The following ZNF189 variants were observed in gnomAD, a reference collection of about 807,000 sequenced individuals.
ZNF189 encodes zinc finger protein 189.
A neutral mutation model predicts 53.5 loss-of-function variants in ZNF189; 33 were observed. The ratio of observed to expected loss-of-function variants is 0.62; its 90% CI spans 0.47 to 0.82. ZNF189 has a LOEUF of 0.82. ZNF189 is among the 40% of genes least tolerant of loss of function. ZNF189 has a pLI of 0.00. For synonymous variants in ZNF189, 247 were observed against 238.8 expected (o/e 1.03, Z -0.32); for missense variants, 711 against 753.9 (o/e 0.94, Z 0.67).
chr9:101,403,148 C>T (rs1237166923), intron 2 of ZNF189, among the ~76,000 whole-genome samples: 1 of 150,000 alleles, frequency 6.7e-6, no homozygotes, highest in Non-Finnish European at 1.5e-5. Context: ...TGTTGTCTCT[C>T]AGTCACTGCC....
rs532115738 is a variant in ZNF189, at chr9:101,399,059, A to G, written c.-98A>G. ...GCCAGACCCAGCCAGGGATCCTCGT[A>G]TTCGTCGAGCCTAATTTCCAGCAGC... On this transcript the variant is annotated 5_prime_UTR_variant, in exon 1 of 3. Transcript: ENST00000339664. The G allele has an allele frequency of 1.1e-6, 1 of 871,130 alleles. No individual in the cohort carries two copies. The highest frequency in any genetic ancestry group is 2.5e-5 in the East Asian group (1 of 39,306). 54.0% of individuals were successfully genotyped at this position (871,130 alleles called of 1,614,324 possible). A position where few individuals can be genotyped will look rare whatever the true frequency, so the allele number is the denominator to read the frequency against.
At chr9:101,406,158 G>A (rs1830703983) in intron 2 of ZNF189, among the ~76,000 whole-genome samples, 1 of 152,102 alleles carries the variant, frequency 6.6e-6, no homozygotes, top group Non-Finnish European at 1.5e-5. Context: ...TTCGCCACAG[G>A]TTGCAGAATA....
chr9:101,400,689 C>G (rs1830501581), intron 2 of ZNF189, among the ~76,000 whole-genome samples: 2 of 152,210 alleles, frequency 1.3e-5, no homozygotes, highest in Non-Finnish European at 2.9e-5. Context: ...AATACTTCAG[C>G]CTCAGTGGAT....
At position 101,403,305 on chromosome 9, in the gene ZNF189, T is replaced by G. The variant is rs530091316; in HGVS notation, c.160+3295T>G. ...GATCTTCTACTTGTAGGCTGTCTTC[T>G]TTATTTCAGCTTAAATACAGCTTTC... On this transcript the variant is annotated intron_variant, in intron 2 of 2. Transcript: ENST00000339664. Among the ~76,000 whole-genome samples, 43 of 152,300 alleles carry G rather than the reference T, an allele frequency of 2.8e-4. No homozygotes were observed. The South Asian group carries it at 8.1e-3, about 29-fold the overall frequency.
rs768990993 is a variant in ZNF189 at position 101,409,514 on chromosome 9, T to A, written c.1746T>A (p.Ser582Arg). The A allele has an allele frequency of 2.5e-5, 41 of 1,614,112 alleles. No individual in the cohort carries two copies. In the East Asian group the frequency reaches 8.7e-4, roughly 34 times the overall value. The change falls in exon 3 of 3, where the codon AGT becomes AGA. Residue 582 changes from serine to arginine, a missense_variant. Coordinates refer to ENST00000339664, the MANE Select transcript of ZNF189 (RefSeq NM_003452.4). ...ACAAAAGTTTCAGTCAACAGCGCAG[T>A]CTTGTCAACCATCAGAAGATCCATG... ...KCDKSFSQQR[S>R]LVNHQKIHAE...
Position 101,398,964 on chromosome 9 carries a change from G to T in ZNF189, c.-193G>T. 1 of 681,470 alleles carries T rather than the reference G, an allele frequency of 1.5e-6. No individual in the cohort carries two copies. The allele number at this position is 681,470 out of a possible 1,614,324, so 42.2% of individuals were successfully genotyped here. A position where few individuals can be genotyped will look rare whatever the true frequency, so the allele number is the denominator to read the frequency against. On this transcript the variant is annotated 5_prime_UTR_variant, in exon 1 of 3. Transcript: ENST00000339664. ...GAGTAGGGGTTGGGGTTCGGGGTTG[G>T]GGGACAGCCAGGGATCGCGTCTGAT...
In ZNF189 at chr9:101,399,227, C is replaced by T. The variant is rs202109904; in HGVS notation, c.33+38C>T. On this transcript the variant is annotated intron_variant, in intron 1 of 2. Coordinates refer to ENST00000339664, the MANE Select transcript of ZNF189 (RefSeq NM_003452.4). ...CCCCCCGGGGATCCCGGTTGTCTCGCCGCTACCCCAGCTAGGCCGCACCAC... is the reference window on the plus strand; with the variant it reads ...CCCCCCGGGGATCCCGGTTGTCTCGTCGCTACCCCAGCTAGGCCGCACCAC... The T allele has an allele frequency of 3.2e-6, 5 of 1,558,558 alleles. No homozygotes were observed. In the East Asian group the frequency reaches 6.9e-5, roughly 21 times the overall value.
chr9:101,399,626 G>T, intron 1 of ZNF189: 3 of 1,305,372 alleles, frequency 2.3e-6, no homozygotes, highest in Admixed American at 3.6e-5. Flanking sequence ...AGGGAAGCTT[G>T]GAGAGGCCTT....
At chr9:101,399,729 C>G (rs571108684) in intron 1 of ZNF189, among the ~76,000 whole-genome samples, 155 bp from the exon 2 acceptor site, 10 of 152,330 alleles carry the variant, frequency 6.6e-5, no homozygotes, top group African/African-American at 2.4e-4. Flanking sequence ...CTGTCAGTTA[C>G]AGTTCGTTCC....
Position 101,408,183 on chromosome 9 carries a change from A to G in ZNF189, c.415A>G (p.Lys139Glu), listed in dbSNP as rs148500092. The G allele has an allele frequency of 2.1e-4, 332 of 1,614,198 alleles. 1 individual carries two copies. In the African/African-American group the frequency reaches 4.2e-3, roughly 20 times the overall value. ...MFRENTNIIR[K>E]RPNSEEKCHK... ...CAGAGAAAACACTAACATTATCCGT[A>G]AAAGACCAAACTCAGAAGAGAAATG... Residue 139 changes from lysine (K) to glutamate (E), a missense_variant, in exon 3 of 3, where the codon AAA becomes GAA. Lys to Glu is a moderately conservative substitution (Grantham distance 56). Transcript: ENST00000339664.
At chr9:101,406,191 C>T (rs1830705328) in intron 2 of ZNF189, among the ~76,000 whole-genome samples, 1 of 152,022 alleles carries the variant, frequency 6.6e-6, no homozygotes, top group Non-Finnish European at 1.5e-5. Flanking sequence ...AGAGGTTGGG[C>T]TTGGAAAACA....
In ZNF189 at chr9:101,409,739, A is replaced by G. The variant is rs1256548432; in HGVS notation, c.*90A>G. On this transcript the variant is annotated 3_prime_UTR_variant, in exon 3 of 3. Transcript: ENST00000339664. ...CTCAACATGGGTCAGATTTAGTGATAAAGCAAATTCTCCTTGGCCTCAGGC... is the reference window on the plus strand; with the variant it reads ...CTCAACATGGGTCAGATTTAGTGATGAAGCAAATTCTCCTTGGCCTCAGGC... 2.1e-6 allele frequency: 3 copies of G among 1,425,062 alleles called. No individual in the cohort carries two copies. Among genetic ancestry groups the G allele is most frequent in the Non-Finnish European group, 2.8e-6 (3 of 1,075,558 alleles). The allele number at this position is 1,425,062 out of a possible 1,614,324, so 88.3% of individuals were successfully genotyped here.
intron 2 of ZNF189, chr9:101,407,279 A>G (rs979148130): frequency 1.5e-5 from 6 of 396,234 alleles, no homozygotes; most frequent in Admixed American, 8.8e-5. Context: ...GCTGATTACA[A>G]TGTTTCTGGA....
In ZNF189 at chr9:101,402,672, CTA is replaced by C. The variant is rs572181918; in HGVS notation, c.160+2668_160+2669del. On this transcript the variant is annotated intron_variant, in intron 2 of 2. Coordinates refer to ENST00000339664, the MANE Select transcript of ZNF189 (RefSeq NM_003452.4). ...TTTATCATACTATACTACAATCATT[CTA>C]TATATGTTACTTTTCTAACCTCACT... is the stretch of plus-strand genomic sequence containing the variant. Among the ~76,000 whole-genome samples the C allele has an allele frequency of 2.0e-3, 301 of 152,234 alleles. 1 individual carries two copies. Among genetic ancestry groups the C allele is most frequent in the Admixed American group, 4.8e-3 (74 of 15,298 alleles).
rs1444743264 is a variant in ZNF189 at position 101,409,773 on chromosome 9, T to C, written c.*124T>C. 3.6e-6 allele frequency: 4 copies of C among 1,123,440 alleles called. No homozygotes were observed. The African/African-American group carries it at 4.7e-5, about 13-fold the overall frequency. The allele number at this position is 1,123,440 out of a possible 1,614,324, so 69.6% of individuals were successfully genotyped here. ...TCTCCTTGGCCTCAGGCAAATAGTT[T>C]CTAAAGATTCTGTGAATAGTGGACA... On this transcript the variant is annotated 3_prime_UTR_variant, in exon 3 of 3. Coordinates refer to ENST00000339664, the MANE Select transcript of ZNF189 (RefSeq NM_003452.4).
chr9:101,399,108 C>T lies in ZNF189; in HGVS notation c.-49C>T, dbSNP rs1289497656. 1.4e-6 allele frequency: 2 copies of T among 1,437,360 alleles called. No individual in the cohort carries two copies. The highest frequency in any genetic ancestry group is 1.7e-5 in the Admixed American group (1 of 59,236). The allele number at this position is 1,437,360 out of a possible 1,614,324, so 89.0% of individuals were successfully genotyped here. On this transcript the variant is annotated 5_prime_UTR_variant, in exon 1 of 3. Coordinates refer to ENST00000339664, the MANE Select transcript of ZNF189 (RefSeq NM_003452.4). ...GCCGGGTAGGCCTCACCAGAGGCTC[C>T]TTTCCGTGAGGCCGCCCCCAATTCC... is the stretch of plus-strand genomic sequence containing the variant.
intron 2 of ZNF189, among the ~76,000 whole-genome samples, chr9:101,401,522 A>AGAAAAGAGAG (rs1830533974): frequency 6.6e-6 from 1 of 152,188 alleles, no homozygotes; most frequent in Non-Finnish European, 1.5e-5. Flanking sequence ...CTTCAACAGG[A>AGAAAAGAGAG]GAAAAGAGAG....
Position 101,408,308 on chromosome 9 carries a change from A to C in ZNF189, c.540A>C (p.Glu180Asp). The C allele has an allele frequency of 6.2e-7, 1 of 1,614,142 alleles. No individual in the cohort carries two copies. The highest frequency in any genetic ancestry group is 8.5e-7 in the Non-Finnish European group (1 of 1,180,004). ...HTGEKPFQCN[E>D]CGKSFSRSSF... is the part of the protein sequence containing the mutation. ...GTGAGAAACCTTTTCAGTGCAATGA[A>C]TGTGGGAAAAGTTTTAGTCGCAGTT... is the stretch of plus-strand genomic sequence containing the variant. The change falls in exon 3 of 3, where the codon GAA (glutamate) becomes GAC (aspartate). Residue 180 changes from glutamate to aspartate, a missense_variant. Glu to Asp is a conservative substitution (Grantham distance 45). Transcript: ENST00000339664.
rs1830431837 is a variant in ZNF189 at position 101,399,144 on chromosome 9, C to A, written c.-13C>A. Reference sequence around the variant, plus strand: ...GCCGCCCCCAATTCCTGCCCCTATTCTCTGCCTGGGAGATGGCTTCCCCGA... The same window carrying A: ...GCCGCCCCCAATTCCTGCCCCTATTATCTGCCTGGGAGATGGCTTCCCCGA... On this transcript the variant is annotated 5_prime_UTR_variant, in exon 1 of 3. Coordinates refer to ENST00000339664, the MANE Select transcript of ZNF189 (RefSeq NM_003452.4). 3.8e-6 allele frequency: 6 copies of A among 1,589,396 alleles called. No individual in the cohort carries two copies. The highest frequency in any genetic ancestry group is 5.2e-6 in the Non-Finnish European group (6 of 1,158,214).
Sources: allele counts gnomAD v4.1 joint callset (sites outside exome capture counted in the v4.1 genomes callset), GRCh38; gene constraint gnomAD v4.1.1; transcripts MANE v1.5; gene names NCBI Gene and HGNC (gene_info 2026-07-23, HGNC 2026-07-21).